Variants in CYRIB observed in about 807,000 individuals in gnomAD.
CYRIB encodes the protein CYFIP-related Rac1 interactor B.
A neutral mutation model predicts 44.2 loss-of-function variants in CYRIB; 8 were observed. That is an observed-to-expected ratio of 0.18 (90% CI 0.11 to 0.33). The LOEUF (loss-of-function observed/expected upper bound fraction) is 0.33, where lower values mean the gene tolerates loss of function less well. CYRIB is among the 10% of genes least tolerant of loss of function. The pLI, the probability that CYRIB is intolerant of heterozygous loss-of-function variation, is 1.00. For synonymous variants in CYRIB, 131 were observed against 127.2 expected (o/e 1.03, Z -0.20); for missense variants, 185 against 382.8 (o/e 0.48, Z 4.31).
chr8:130,007,455 C>A (rs1275735538), intron 1 of CYRIB, among the ~76,000 whole-genome samples: 2 of 152,334 alleles, frequency 1.3e-5, no homozygotes, highest in South Asian at 4.1e-4. Context: ...ACCTGCCTCA[C>A]AGAGTTACCA....
chr8:130,016,937 C>T (rs991386838), upstream of CYRIB: 2 of 152,230 alleles, frequency 1.3e-5, no homozygotes, highest in Non-Finnish European at 2.9e-5. Context: ...CACTGCCTGT[C>T]AGGCAGGGCT....
At position 129,841,829 on chromosome 8, in the gene CYRIB, C is replaced by A. The variant is rs561591486; in HGVS notation, c.*313G>T. ...GAGAAGCAATATTAAATATTAGTTT[C>A]AAAAAAAATCCACATTTAAAAATAT... On this transcript the variant is annotated 3_prime_UTR_variant, in exon 12 of 12. Transcript: ENST00000519824. The A allele has an allele frequency of 5.7e-4, 129 of 226,496 alleles. No individual in the cohort carries two copies. In the Admixed American group the frequency reaches 6.9e-3, roughly 12 times the overall value. 14.0% of individuals were successfully genotyped at this position (226,496 alleles called of 1,614,324 possible). A position where few individuals can be genotyped will look rare whatever the true frequency, so the allele number is the denominator to read the frequency against.
chr8:130,014,639 A>G (rs1160072765), intron 1 of CYRIB, among the ~76,000 whole-genome samples: 1 of 152,170 alleles, frequency 6.6e-6, no homozygotes, highest in Non-Finnish European at 1.5e-5. Flanking sequence ...CAGCAAAATT[A>G]CTTGAAAATC....
At chr8:129,906,801 C>G (rs2075639985) in intron 1 of CYRIB, among the ~76,000 whole-genome samples, 1 of 152,304 alleles carries the variant, frequency 6.6e-6, no homozygotes, top group East Asian at 1.9e-4. Flanking sequence ...AGGATACGAA[C>G]AGACACTTTC....
intron 1 of CYRIB, among the ~76,000 whole-genome samples, chr8:129,975,306 G>A (rs2095871493): frequency 6.6e-6 from 1 of 152,180 alleles, no homozygotes; most frequent in Non-Finnish European, 1.5e-5. Context: ...GTGAGCCACT[G>A]TGCCCGAAAC....
chr8:129,899,001 T>C (rs1445636322), intron 2 of CYRIB, among the ~76,000 whole-genome samples: 1 of 152,080 alleles, frequency 6.6e-6, no homozygotes, highest in Non-Finnish European at 1.5e-5. Context: ...GTAGCTGGGA[T>C]TACAGGCATG....
At chr8:130,013,669 A>G (rs1334198782) in intron 1 of CYRIB, among the ~76,000 whole-genome samples, 1 of 152,180 alleles carries the variant, frequency 6.6e-6, no homozygotes, top group Admixed American at 6.5e-5. Context: ...GTGAGGCCAC[A>G]ACCTCCTGGC....
upstream of CYRIB, among the ~76,000 whole-genome samples, chr8:129,944,169 C>CCA (rs988303552): frequency 2.0e-5 from 3 of 152,134 alleles, no homozygotes; most frequent in African/African-American, 7.2e-5. Context: ...ATCACTCTGA[C>CCA]CACAGGGTCC....
intron 1 of CYRIB, among the ~76,000 whole-genome samples, chr8:129,996,296 G>A (rs1428347717): frequency 6.6e-6 from 1 of 152,134 alleles, no homozygotes; most frequent in Non-Finnish European, 1.5e-5. Flanking sequence ...GGCCACGGCA[G>A]CTCAGACTTC....
At chr8:129,848,854 G>C (rs2041829791) in intron 10 of CYRIB, among the ~76,000 whole-genome samples, 1 of 152,032 alleles carries the variant, frequency 6.6e-6, no homozygotes, top group Admixed American at 6.6e-5. Flanking sequence ...CTACAGGCAT[G>C]AGCCAGCACG....
intron 1 of CYRIB, among the ~76,000 whole-genome samples, chr8:129,929,281 A>G (rs1454847845): frequency 1.3e-5 from 2 of 151,582 alleles, no homozygotes; most frequent in Non-Finnish European, 2.9e-5. Context: ...ACACGGGGAG[A>G]AGAGAGAGAG....
chr8:129,989,372 G>T (rs986029865), intron 1 of CYRIB, among the ~76,000 whole-genome samples: 2 of 152,212 alleles, frequency 1.3e-5, no homozygotes, highest in African/African-American at 2.4e-5. Context: ...TCCCAAAGCG[G>T]ACCGAGGCTG....
chr8:129,977,768 G>A (rs559023032), intron 1 of CYRIB, among the ~76,000 whole-genome samples: 2 of 152,084 alleles, frequency 1.3e-5, no homozygotes, highest in African/African-American at 2.4e-5. Flanking sequence ...TCCTGACCTC[G>A]TGATCTGCCC....
At chr8:129,982,599 C>G (rs1010580780) in intron 1 of CYRIB, among the ~76,000 whole-genome samples, 1 of 152,188 alleles carries the variant, frequency 6.6e-6, no homozygotes, top group Admixed American at 6.5e-5. Context: ...GTTGCTTCAT[C>G]TGTAATCCTC....
At chr8:130,016,378 C>T (rs1424519691) in exon 1 of CYRIB, 3 of 149,046 alleles carry the variant, frequency 2.0e-5, no homozygotes, top group Non-Finnish European at 4.5e-5. Flanking sequence ...ACCTGGCGGC[C>T]CGGGCGGGCG....
intron 1 of CYRIB, among the ~76,000 whole-genome samples, chr8:129,975,699 C>T (rs541471927): frequency 2.6e-5 from 4 of 152,152 alleles, no homozygotes; most frequent in Non-Finnish European, 5.9e-5. Flanking sequence ...AGGAAACAGA[C>T]GAAGGAAAAC....
chr8:129,912,834 G>A (rs1449913577), intron 1 of CYRIB, among the ~76,000 whole-genome samples: 1 of 151,924 alleles, frequency 6.6e-6, no homozygotes, highest in Non-Finnish European at 1.5e-5. Context: ...CCTAATCTGT[G>A]TGTCATGTTT....
At chr8:129,977,267 G>A (rs1246488196) in intron 1 of CYRIB, among the ~76,000 whole-genome samples, 1 of 152,138 alleles carries the variant, frequency 6.6e-6, no homozygotes, top group Non-Finnish European at 1.5e-5. Flanking sequence ...GGGAAGCTGG[G>A]CCATGTTCAG....
intron 1 of CYRIB, among the ~76,000 whole-genome samples, chr8:129,992,666 A>G (rs886696095): frequency 6.6e-6 from 1 of 152,222 alleles, no homozygotes; most frequent in Non-Finnish European, 1.5e-5. Flanking sequence ...AAGAGGGCAG[A>G]GCTGCAGAGC....
Sources: gnomAD v4.1 joint callset for allele counts (sites outside exome capture counted in the v4.1 genomes callset) on GRCh38, gnomAD v4.1.1 for gene constraint, MANE v1.5 for transcripts, NCBI Gene and HGNC (gene_info 2026-07-23, HGNC 2026-07-21) for gene names.